The following QSER1 variants were observed in gnomAD, a reference collection of about 807,000 sequenced individuals.
QSER1 encodes the protein glutamine and serine rich 1.
Under a neutral mutation model 158.5 loss-of-function variants are expected in QSER1, and 49 were observed. That is an observed-to-expected ratio of 0.31 (90% CI 0.25 to 0.39). QSER1 has a LOEUF of 0.39. QSER1 is among the 10% of genes least tolerant of loss of function. QSER1 has a pLI of 1.00. For missense variants in QSER1, 1,754 were observed against 2,010.3 expected (o/e 0.87, Z 2.44); for synonymous variants, 650 against 715.5 (o/e 0.91, Z 1.46).
intron 1 of QSER1, among the ~76,000 whole-genome samples, chr11:32,909,908 T>C (rs1851745061): frequency 6.6e-6 from 1 of 152,216 alleles, no homozygotes; most frequent in Non-Finnish European, 1.5e-5. Context: ...AGGGAAGTTG[T>C]GTAGCAGGTA....
At chr11:32,946,810 T>C (rs1483653563) in intron 4 of QSER1, among the ~76,000 whole-genome samples, 1 of 152,070 alleles carries the variant, frequency 6.6e-6, no homozygotes, top group Non-Finnish European at 1.5e-5. Context: ...TGGGCAATGG[T>C]GGGCGCCCCT....
chr11:32,977,757 ATTTG>A lies in QSER1; in HGVS notation c.*1288_*1291del, dbSNP rs1449048364. ...TTTGTGTTTGCCAACAGGATGCCTT[ATTTG>A]TTTGAGAAAAAGATGTACTAGTGTC... On this transcript the variant is annotated 3_prime_UTR_variant, in exon 13 of 13. Coordinates refer to ENST00000650167, the MANE Select transcript of QSER1 (RefSeq NM_001076786.3). 1.3e-5 allele frequency: 2 copies of A among 152,538 alleles called. No homozygotes were observed. The highest frequency in any genetic ancestry group is 1.3e-4 in the Admixed American group (2 of 15,276). 9.4% of individuals were successfully genotyped at this position (152,538 alleles called of 1,614,324 possible).
At position 32,976,667 on chromosome 11, in the gene QSER1, A is replaced by AGT; in HGVS notation, c.*193_*194insGT. ...AAGTTAGTCCTCTGGAAATGGACCTAAATCCCACCACATTTTTACCCTAAT... is the reference window on the plus strand; with the variant it reads ...AAGTTAGTCCTCTGGAAATGGACCTAGTAATCCCACCACATTTTTACCCTAAT... On this transcript the variant is annotated 3_prime_UTR_variant, in exon 13 of 13. Coordinates refer to ENST00000650167, the MANE Select transcript of QSER1 (RefSeq NM_001076786.3). 1 of 536,680 alleles carries AGT rather than the reference A, an allele frequency of 1.9e-6. No homozygotes were observed. Among genetic ancestry groups the AGT allele is most frequent in the Non-Finnish European group, 3.3e-6 (1 of 305,264 alleles). 33.2% of individuals were successfully genotyped at this position (536,680 alleles called of 1,614,324 possible). A position where few individuals can be genotyped will look rare whatever the true frequency, so the allele number is the denominator to read the frequency against.
intron 8 of QSER1, among the ~76,000 whole-genome samples, chr11:32,964,438 T>C (rs968362893): frequency 2.0e-5 from 3 of 152,120 alleles, no homozygotes; most frequent in Non-Finnish European, 4.4e-5. Flanking sequence ...GTTTTGCAAA[T>C]GGCAATGCAG....
intron 8 of QSER1, 22 bp from the exon 9 acceptor site, chr11:32,966,278 T>C: frequency 1.2e-6 from 2 of 1,607,772 alleles, no homozygotes; most frequent in Non-Finnish European, 8.5e-7. Context: ...AAATTTAATA[T>C]TTAACCCTTT....
rs188604327 is a variant in QSER1, at chr11:32,922,992, A to G, written c.210-4165A>G. ...AATTAAAACTTATGTTCACACAAAAACTTATGCACATGTGTATAGCAGCTA... is the reference window on the plus strand; with the variant it reads ...AATTAAAACTTATGTTCACACAAAAGCTTATGCACATGTGTATAGCAGCTA... On this transcript the variant is annotated intron_variant, in intron 1 of 12. Coordinates refer to ENST00000650167, the MANE Select transcript of QSER1 (RefSeq NM_001076786.3). 9.2e-5 allele frequency among the ~76,000 whole-genome samples: 14 copies of G among 152,280 alleles called. No individual in the cohort carries two copies. The East Asian group carries it at 2.7e-3, about 29-fold the overall frequency.
chr11:32,937,372 A>T (rs566569934), intron 4 of QSER1, among the ~76,000 whole-genome samples: 1 of 151,818 alleles, frequency 6.6e-6, no homozygotes, highest in African/African-American at 2.4e-5. Flanking sequence ...GAAACCTCAA[A>T]CTCCTGGGCC....
chr11:32,903,597 A>G lies in QSER1; in HGVS notation c.209+10263A>G, dbSNP rs141590124. Among the ~76,000 whole-genome samples the G allele has an allele frequency of 3.6e-4, 54 of 151,320 alleles. 2 individuals carry two copies. In the East Asian group the frequency reaches 0.01, roughly 28 times the overall value. On this transcript the variant is annotated intron_variant, in intron 1 of 12. Transcript: ENST00000650167. ...AACAGGGTGCTTCAGTAAGTTTTTT[A>G]TTTGTTTGTTTGTTTGTTTGTTTGT...
chr11:32,951,459 G>T (rs1442309378), intron 4 of QSER1, among the ~76,000 whole-genome samples: 1 of 151,982 alleles, frequency 6.6e-6, no homozygotes, highest in African/African-American at 2.4e-5. Context: ...GTCAATTTTT[G>T]TAAAAAATGA....
chr11:32,951,073 GCTGTACC>G (rs1453093354), intron 4 of QSER1, among the ~76,000 whole-genome samples: 1 of 152,080 alleles, frequency 6.6e-6, no homozygotes, highest in Non-Finnish European at 1.5e-5. Flanking sequence ...TTCCAATGTG[GCTGTACC>G]ATTTTACATT....
At chr11:32,974,258 C>T (rs1438694541) in intron 11 of QSER1, among the ~76,000 whole-genome samples, 2 of 151,814 alleles carry the variant, frequency 1.3e-5, no homozygotes, top group African/African-American at 2.4e-5. Context: ...CCATGTCTAC[C>T]CTGGGGGGAG....
intron 1 of QSER1, among the ~76,000 whole-genome samples, chr11:32,914,535 ATTAC>A (rs1316053056): frequency 6.6e-6 from 1 of 152,242 alleles, no homozygotes; most frequent in African/African-American, 2.4e-5. Context: ...TAAGTAACTT[ATTAC>A]TTGTGTGCAA....
chr11:32,897,827 T>G (rs567523686), intron 1 of QSER1, among the ~76,000 whole-genome samples: 1 of 152,220 alleles, frequency 6.6e-6, no homozygotes, highest in East Asian at 1.9e-4. Context: ...ACACCTCTGC[T>G]TCTCTAGTGA....
intron 10 of QSER1, among the ~76,000 whole-genome samples, chr11:32,972,531 G>A (rs563781115): frequency 2.0e-5 from 3 of 152,038 alleles, no homozygotes; most frequent in South Asian, 4.2e-4. Context: ...TGCCTCCCGA[G>A]TTCAAGCGAT....
chr11:32,974,857 AC>A (rs1476078738), intron 11 of QSER1, among the ~76,000 whole-genome samples: 2 of 152,222 alleles, frequency 1.3e-5, no homozygotes, highest in Non-Finnish European at 2.9e-5. Context: ...CCTTCTCATT[AC>A]AAAATTAGTG....
At chr11:32,964,274 C>A (rs534084676) in intron 8 of QSER1, among the ~76,000 whole-genome samples, 1 of 152,094 alleles carries the variant, frequency 6.6e-6, no homozygotes, top group Non-Finnish European at 1.5e-5. Context: ...CATGCCCAGC[C>A]CCTAGGACTA....
Position 32,966,313 on chromosome 11 carries a change from C to G in QSER1, c.4983C>G (p.Pro1661=). Residue 1661 remains proline (P), a synonymous_variant, in exon 9 of 13, where the codon CCC becomes CCG. Transcript: ENST00000650167. ...TCTCCCTCCCAGAATTTGAACCTCCCGCTCCCTTTGTCACTCGCTTTTTGA... is the reference window on the plus strand; with the variant it reads ...TCTCCCTCCCAGAATTTGAACCTCCGGCTCCCTTTGTCACTCGCTTTTTGA... ...SSSDDEEFEP[P]APFVTRFLNT... The G allele has an allele frequency of 6.2e-7, 1 of 1,613,504 alleles. No homozygotes were observed. The highest frequency in any genetic ancestry group is 1.1e-5 in the South Asian group (1 of 90,982).
At chr11:32,909,005 T>A (rs544966027) in intron 1 of QSER1, among the ~76,000 whole-genome samples, 3 of 152,116 alleles carry the variant, frequency 2.0e-5, no homozygotes, top group Non-Finnish European at 2.9e-5. Context: ...ACTAAAAATA[T>A]AAAAATTAGC....
intron 1 of QSER1, among the ~76,000 whole-genome samples, chr11:32,923,801 C>G (rs1301723936): frequency 1.3e-5 from 2 of 151,882 alleles, no homozygotes; most frequent in Non-Finnish European, 2.9e-5. Flanking sequence ...AACCCCATCT[C>G]TACTAAAATA....
Sources: allele counts gnomAD v4.1 joint callset (sites outside exome capture counted in the v4.1 genomes callset), GRCh38; gene constraint gnomAD v4.1.1; transcripts MANE v1.5; gene names NCBI Gene and HGNC (gene_info 2026-07-23, HGNC 2026-07-21).